NIN: variants seen among roughly 807,000 people sequenced by gnomAD.
NIN encodes the protein glycogen synthase kinase 3 beta-interacting protein.
Under a neutral mutation model 257.6 loss-of-function variants are expected in NIN, and 137 were observed. The ratio of observed to expected loss-of-function variants is 0.53; its 90% CI spans 0.46 to 0.61. The LOEUF is 0.61. Among genes scored for constraint, NIN ranks in the 20% least tolerant of loss-of-function variants. The pLI, the probability that NIN is intolerant of heterozygous loss-of-function variation, is 0.00. For missense variants in NIN, 2,439 were observed against 2,501.2 expected (o/e 0.98, Z 0.53); for synonymous variants, 918 against 919.8 (o/e 1.00, Z 0.04).
intron 5 of NIN, among the ~76,000 whole-genome samples, chr14:50,791,438 C>A (rs1410904558): frequency 2.0e-5 from 3 of 151,838 alleles, no homozygotes; most frequent in Admixed American, 6.6e-5. Context: ...TCTTATACCA[C>A]TTTTGTGGGT....
Position 50,763,829 on chromosome 14 carries a change from G to T in NIN, c.1771C>A (p.His591Asn), listed in dbSNP as rs758027037. Residue 591 changes from histidine (H) to asparagine (N), a missense_variant, in exon 15 of 31, where the codon CAC becomes AAC. By Grantham distance (68) the His-to-Asn change is moderately conservative. Transcript: ENST00000530997. ...EANSGGIEPE[H>N]GLGSEECNPL... is the part of the protein sequence containing the mutation. ...CAGCCTGTCCGAATGTGTTTACCGT[G>T]TTCGGGCTCAATGCCACCGCTGTTA... The T allele has an allele frequency of 6.2e-6, 10 of 1,613,624 alleles. No individual in the cohort carries two copies. In the South Asian group the frequency reaches 1.1e-4, roughly 18 times the overall value.
At chr14:50,726,310 CCT>C (rs980051771) in intron 29 of NIN, 45 of 420,970 alleles carry the variant, frequency 1.1e-4, no homozygotes, top group African/African-American at 6.5e-4. Flanking sequence ...CCATCATCCC[CCT>C]GATATAAAGC....
At chr14:50,793,774 T>C (rs147953230) in intron 4 of NIN, among the ~76,000 whole-genome samples, 97 of 152,344 alleles carry the variant, frequency 6.4e-4, no homozygotes, top group Non-Finnish European at 1.1e-3. Context: ...GCTAAGCTTT[T>C]TCTACAATTG....
intron 2 of NIN, among the ~76,000 whole-genome samples, chr14:50,822,368 C>T (rs2045265904): frequency 6.6e-6 from 1 of 152,234 alleles, no homozygotes; most frequent in Admixed American, 6.5e-5. Flanking sequence ...ACCCTCCTCT[C>T]TTGCCTGGTT....
At chr14:50,787,341 A>G (rs1382024466) in intron 5 of NIN, among the ~76,000 whole-genome samples, 1 of 152,230 alleles carries the variant, frequency 6.6e-6, no homozygotes, top group East Asian at 1.9e-4. Context: ...ATTGAGAATT[A>G]GTTTAGTTTA....
At chr14:50,765,988 A>AT (rs1457065504) in intron 14 of NIN, among the ~76,000 whole-genome samples, 2 of 144,674 alleles carry the variant, frequency 1.4e-5, no homozygotes, top group Non-Finnish European at 3.0e-5. Context: ...TCCCGGTGCT[A>AT]TCCCTCTCCC....
chr14:50,719,805 GAAAAC>G lies in NIN; in HGVS notation c.*3653_*3657del. ...CTTTATTAAAAGGTCAGGGTATATAGAAAACAAAAGGCATGTTTGCAAAATTATTT... is the reference window on the plus strand; with the variant it reads ...CTTTATTAAAAGGTCAGGGTATATAGAAAAGGCATGTTTGCAAAATTATTT... On this transcript the variant is annotated 3_prime_UTR_variant, in exon 31 of 31. Coordinates refer to ENST00000530997, the MANE Select transcript of NIN (RefSeq NM_020921.4). 5.3e-6 allele frequency: 1 copy of G among 190,452 alleles called. No homozygotes were observed. Among genetic ancestry groups the G allele is most frequent in the Non-Finnish European group, 1.1e-5 (1 of 90,532 alleles). The allele number at this position is 190,452 out of a possible 1,614,324, so 11.8% of individuals were successfully genotyped here. A position where few individuals can be genotyped will look rare whatever the true frequency, so the allele number is the denominator to read the frequency against.
chr14:50,783,959 G>A (rs76080877), intron 5 of NIN, among the ~76,000 whole-genome samples: 2 of 152,040 alleles, frequency 1.3e-5, no homozygotes, highest in Non-Finnish European at 2.9e-5. Flanking sequence ...AAGTAGGGGG[G>A]AAAGCGAGGA....
chr14:50,752,538 G>T lies in NIN; in HGVS notation c.4930C>A (p.Leu1644Met). Residue 1644 changes from leucine to methionine, a missense_variant, in exon 21 of 31, where the codon CTG becomes ATG. This residue lies in a region of NIN where 2,043 missense variants were observed against 2,050.2 expected (regional missense o/e 1.00). Transcript: ENST00000530997. Reference protein sequence around the residue: ...EQEKFNLKEELERCKVQSSTL... With the variant: ...EQEKFNLKEEMERCKVQSSTL... ...CATACCTGCACTTTACAACGTTCCA[G>T]TTCTTCTTTCAGATTAAACTTCTCT... The T allele has an allele frequency of 6.2e-7, 1 of 1,613,796 alleles. No individual in the cohort carries two copies. Among genetic ancestry groups the T allele is most frequent in the Non-Finnish European group, 8.5e-7 (1 of 1,179,792 alleles).
At chr14:50,814,639 T>G (rs2142329475) in intron 3 of NIN, among the ~76,000 whole-genome samples, 1 of 152,308 alleles carries the variant, frequency 6.6e-6, no homozygotes, top group East Asian at 1.9e-4. Flanking sequence ...CACTTCAAAC[T>G]GTACTACAAA....
At chr14:50,741,555 T>C (rs368511799) in intron 25 of NIN, 27 bp downstream of exon 25, 39 of 1,606,580 alleles carry the variant, frequency 2.4e-5, no homozygotes, top group Non-Finnish European at 3.3e-5. Flanking sequence ...AAATAACTTA[T>C]ACCTAAATAA....
chr14:50,801,719 T>A (rs2044111812), intron 4 of NIN, among the ~76,000 whole-genome samples: 1 of 152,254 alleles, frequency 6.6e-6, no homozygotes, highest in Admixed American at 6.5e-5. Context: ...TATGTATCAC[T>A]TCTTCAAAAT....
In NIN at chr14:50,723,479, G is replaced by A. The variant is rs2140300831; in HGVS notation, c.6386C>T (p.Pro2129Leu). The A allele has an allele frequency of 1.2e-6, 2 of 1,612,446 alleles. No homozygotes were observed. The highest frequency in any genetic ancestry group is 2.2e-5 in the East Asian group (1 of 44,872). Residue 2129 changes from proline (P) to leucine (L), a missense_variant, in exon 31 of 31, where the codon CCT becomes CTT. Coordinates refer to ENST00000530997, the MANE Select transcript of NIN (RefSeq NM_020921.4). ...TTGGTTTGGCTATGACCTCAAAGGA[G>A]GTGTAGAAGTCAATGGCGCTGGTGT... ...NLTPAPLTST[P>L]PLRS
chr14:50,792,746 C>T lies in NIN; in HGVS notation c.401G>A (p.Arg134Gln), dbSNP rs777169854. 2.0e-5 allele frequency: 32 copies of T among 1,613,998 alleles called. No homozygotes were observed. Among genetic ancestry groups the T allele is most frequent in the East Asian group, 1.8e-4 (8 of 44,892 alleles). The change falls in exon 5 of 31, where the codon CGG becomes CAG. Residue 134 changes from arginine (R) to glutamine (Q), a missense_variant. Physicochemically the swap from Arg to Gln is conservative, Grantham distance 43 (BLOSUM62 1). Transcript: ENST00000530997. ...TVIEPLDEEA[R>Q]PSHIPAGDCS... is the part of the protein sequence containing the mutation. ...GTCACCGGCTGGGATGTGTGAAGGC[C>T]GCGCTTCTTCATCCAGTGGCTCAAT...
intron 5 of NIN, among the ~76,000 whole-genome samples, chr14:50,779,495 G>A (rs992661364): frequency 8.5e-5 from 13 of 152,060 alleles, no homozygotes; most frequent in Non-Finnish European, 1.6e-4. Context: ...ACAGTGGCTT[G>A]CGCCTGTAAT....
rs760941464 is a variant in NIN at position 50,758,509 on chromosome 14, G to A, written c.2521C>T (p.Arg841Cys). The A allele has an allele frequency of 1.1e-5, 17 of 1,614,104 alleles. No homozygotes were observed. The highest frequency in any genetic ancestry group is 4.0e-5 in the African/African-American group (3 of 74,938). ...TCCTGGAGGTCCTTCAGCTCTTGGC[G>A]GTAGCGCCCCTCCAGGCTTTGCAGA... is the stretch of plus-strand genomic sequence containing the variant. ...SALQSLEGRY[R>C]QELKDLQEQQ... Residue 841 changes from arginine (R) to cysteine (C), a missense_variant, in exon 18 of 31, where the codon CGC (arginine) becomes TGC (cysteine). By Grantham distance (180) the Arg-to-Cys change is radical. Coordinates refer to ENST00000530997, the MANE Select transcript of NIN (RefSeq NM_020921.4).
In NIN at chr14:50,757,835, G is replaced by A. The variant is rs374552297; in HGVS notation, c.3195C>T (p.Asp1065=). 163 of 1,613,970 alleles carry A rather than the reference G, an allele frequency of 1.0e-4. No homozygotes were observed. The highest frequency in any genetic ancestry group is 3.3e-4 in the Middle Eastern group (2 of 6,084). ...QGEQLLEENG[D]VLLSLQRAHE... Reference sequence around the variant, plus strand: ...GAGCTCTCTGCAGGCTTAAGAGGACGTCCCCATTTTCTTCCAACAGCTGCT... The same window carrying A: ...GAGCTCTCTGCAGGCTTAAGAGGACATCCCCATTTTCTTCCAACAGCTGCT... Residue 1065 remains aspartate (D), a synonymous_variant, in exon 18 of 31, where the codon GAC becomes GAT. Transcript: ENST00000530997.
rs1464489919 is a variant in NIN at position 50,723,581 on chromosome 14, C to T, written c.6284G>A (p.Arg2095Gln). 14 of 1,613,754 alleles carry T rather than the reference C, an allele frequency of 8.7e-6. No homozygotes were observed. Among genetic ancestry groups the T allele is most frequent in the Admixed American group, 3.3e-5 (2 of 59,982 alleles). The change falls in exon 31 of 31, where the codon CGA (arginine) becomes CAA (glutamine). Residue 2095 changes from arginine (R) to glutamine (Q), a missense_variant. Physicochemically the swap from Arg to Gln is conservative, Grantham distance 43. Around this residue, in one of 3 missense-constraint regions of NIN, gnomAD observed 2,043 missense variants for 2,050.2 expected, o/e 1.00. Coordinates refer to ENST00000530997, the MANE Select transcript of NIN (RefSeq NM_020921.4). ...LLKALEVTEQ[R>Q]QKTAEKKNYL... ...ATTTTTCTTCTCTGCTGTTTTCTGT[C>T]GCTGTTCAGTCACTTCCAGAGCTTT... is the stretch of plus-strand genomic sequence containing the variant.
intron 29 of NIN, chr14:50,727,303 A>G (rs2040456765): frequency 1.0e-6 from 1 of 977,942 alleles, no homozygotes; most frequent in East Asian, 6.8e-5. Flanking sequence ...CTTATACAAA[A>G]CAGTATAAAT....
Sources: gnomAD v4.1 joint callset for allele counts (sites outside exome capture counted in the v4.1 genomes callset) on GRCh38, gnomAD v4.1.1 for gene constraint, gnomAD v4.1.1 regional missense constraint, MANE v1.5 for transcripts, NCBI Gene and HGNC (gene_info 2026-07-23, HGNC 2026-07-21) for gene names.